The following EEF1D variants were observed in gnomAD, a reference collection of about 807,000 sequenced individuals.
EEF1D encodes the protein eukaryotic translation elongation factor 1 delta, also known as elongation factor 1-delta.
A neutral mutation model predicts 63.9 loss-of-function variants in EEF1D; 47 were observed. The observed-to-expected ratio is 0.74, with a 90% CI of 0.58 to 0.94. The LOEUF is 0.94. EEF1D is among the 40% of genes least tolerant of loss of function. The pLI is 0.00. For synonymous variants in EEF1D, 412 were observed against 386.1 expected, an observed-to-expected ratio of 1.07 and a Z score of -0.79; for missense variants, 907 against 899.0, an observed-to-expected ratio of 1.01 and a Z score of -0.11.
rs1587081359 is a variant in EEF1D at position 143,580,189 on chromosome 8, G to A, written c.1728C>T (p.Asp576=). The A allele has an allele frequency of 2.5e-6, 4 of 1,613,370 alleles. No homozygotes were observed. The highest frequency in any genetic ancestry group is 3.4e-6 in the Non-Finnish European group (4 of 1,179,892). ...GCACACAGGCCTCCAGCTGGGCCAT[G>A]TCCGTCTCATCATCCCACTGTGGGG... ...LDVKPWDDET[D]MAQLEACVRS... Residue 576 remains aspartate, a synonymous_variant, in exon 9 of 10, where the codon GAC becomes GAT. Coordinates refer to ENST00000618139, the MANE Select transcript of EEF1D (RefSeq NM_001130053.5).
At position 143,580,577 on chromosome 8, in the gene EEF1D, G is replaced by A; in HGVS notation, c.1639C>T (p.Gln547Ter). Reference protein sequence around the residue: ...AAQLREERLRQYAEKKAKKPA... With the variant: ...AAQLREERLR The stretch of plus-strand genomic sequence containing the variant: ...TTCTTGGCCTTCTTCTCCGCGTACT[G>A]CCGTAGCCGCTCCTCCCGCAGCTGT... Residue 547 changes from glutamine (Q) to a stop codon, truncating the protein, a stop_gained, in exon 8 of 10, where the codon CAG (glutamine) becomes TAG (stop). Coordinates refer to ENST00000618139, the MANE Select transcript of EEF1D (RefSeq NM_001130053.5). LOFTEE classifies it high-confidence loss of function. 1 of 1,613,440 alleles carries A rather than the reference G, an allele frequency of 6.2e-7. No homozygotes were observed. The highest frequency in any genetic ancestry group is 8.5e-7 in the Non-Finnish European group (1 of 1,179,876).
rs927161839 is a variant in EEF1D at position 143,593,815 on chromosome 8, C to G, written c.-14-1155G>C. The G allele has an allele frequency of 5.8e-5, 57 of 977,880 alleles. No homozygotes were observed. In the East Asian group the frequency reaches 9.1e-4, roughly 16 times the overall value. The allele number at this position is 977,880 out of a possible 1,614,324, so 60.6% of individuals were successfully genotyped here. A position where few individuals can be genotyped will look rare whatever the true frequency, so the allele number is the denominator to read the frequency against. On this transcript the variant is annotated intron_variant, in intron 1 of 9. Coordinates refer to ENST00000618139, the MANE Select transcript of EEF1D (RefSeq NM_001130053.5). ...TCCCAGGACAGCCAGCACAGCCCCC[C>G]ACACGTCCGAGCCCACCTCCTCATT...
At chr8:143,593,745 G>T in intron 1 of EEF1D, 1 of 536,352 alleles carries the variant, frequency 1.9e-6, no homozygotes, top group Non-Finnish European at 2.4e-6. Context: ...CTGGAGGCCA[G>T]GCCCGTCACC....
chr8:143,586,927 G>C lies in EEF1D; in HGVS notation c.1092-75C>G, dbSNP rs749691101. 309 of 1,579,248 alleles carry C rather than the reference G, an allele frequency of 2.0e-4. 3 individuals carry two copies. The Middle Eastern group carries it at 9.1e-3, about 46-fold the overall frequency. On this transcript the variant is annotated intron_variant, in intron 3 of 9. Coordinates refer to ENST00000618139, the MANE Select transcript of EEF1D (RefSeq NM_001130053.5). Reference sequence around the variant, plus strand: ...CATCAGGACAGCCCAGAAGCACCAAGGTGCAGTGGGGCTGACACCCGCTTC... The same window carrying C: ...CATCAGGACAGCCCAGAAGCACCAACGTGCAGTGGGGCTGACACCCGCTTC...
At chr8:143,580,911 CTG>C in intron 7 of EEF1D, 141 bp downstream of exon 7, 1 of 1,163,958 alleles carries the variant, frequency 8.6e-7, no homozygotes, top group South Asian at 1.4e-5. Flanking sequence ...CCAGGGCTAA[CTG>C]TAAACCTTCC....
intron 1 of EEF1D, chr8:143,596,093 C>T (rs1391101940): frequency 6.6e-6 from 1 of 152,404 alleles, no homozygotes; most frequent in Non-Finnish European, 1.5e-5. Context: ...CCCACCTGTG[C>T]TAAACCTTGC....
chr8:143,596,470 G>C (rs556482817), intron 1 of EEF1D: 2 of 152,488 alleles, frequency 1.3e-5, no homozygotes, highest in East Asian at 3.9e-4. Context: ...AACTGCCTGC[G>C]AGCCAGCTGC....
At chr8:143,593,890 C>T (rs2131284291) in intron 1 of EEF1D, 2 of 985,450 alleles carry the variant, frequency 2.0e-6, no homozygotes, top group Admixed American at 6.1e-5. Flanking sequence ...GGACGCAGCG[C>T]ACCATCTCTC....
intron 1 of EEF1D, 118 bp from the exon 2 acceptor site, chr8:143,592,778 G>A (rs1828189561): frequency 3.5e-6 from 3 of 863,554 alleles, no homozygotes; most frequent in Non-Finnish European, 4.2e-6. Flanking sequence ...GCTGCTTGGC[G>A]AGGTGGTGTG....
intron 5 of EEF1D, among the ~76,000 whole-genome samples, chr8:143,584,648 G>A (rs1184029289): frequency 6.6e-6 from 1 of 152,072 alleles, no homozygotes; most frequent in Admixed American, 6.6e-5. Context: ...TAAGGCCCTC[G>A]GTGAGGACTC....
intron 2 of EEF1D, among the ~76,000 whole-genome samples, chr8:143,591,565 A>G (rs1383286883): frequency 6.6e-6 from 1 of 152,168 alleles, no homozygotes; most frequent in African/African-American, 2.4e-5. Context: ...GGCCTAACCA[A>G]CGCCTAGGAG....
Position 143,589,820 on chromosome 8 carries a change from T to C in EEF1D, c.262A>G (p.Arg88Gly). Reference sequence around the variant, plus strand: ...AGCCCGCTCTTGGGGGAGCGCTTCCTCTTTTTCTGCAGGGGCTTCCTGCTG... The same window carrying C: ...AGCCCGCTCTTGGGGGAGCGCTTCCCCTTTTTCTGCAGGGGCTTCCTGCTG... ...QDSRKPLQKK[R>G]KRSPKSGLGP... The change falls in exon 3 of 10, where the codon AGG (arginine) becomes GGG (glycine). Residue 88 changes from arginine to glycine, a missense_variant. By Grantham distance (125) the Arg-to-Gly change is moderately radical. Transcript: ENST00000618139. The C allele has an allele frequency of 6.2e-7, 1 of 1,603,474 alleles. No individual in the cohort carries two copies. The highest frequency in any genetic ancestry group is 8.5e-7 in the Non-Finnish European group (1 of 1,176,108).
intron 2 of EEF1D, among the ~76,000 whole-genome samples, 198 bp downstream of exon 2, chr8:143,592,449 C>T (rs1012704086): frequency 6.6e-5 from 10 of 152,116 alleles, no homozygotes; most frequent in Non-Finnish European, 1.3e-4. Flanking sequence ...GGACCCTGCT[C>T]ACGGCCACAC....
rs376636909 is a variant in EEF1D at position 143,579,747 on chromosome 8, C to G, written c.*45G>C. On this transcript the variant is annotated 3_prime_UTR_variant, in exon 10 of 10. Transcript: ENST00000618139. ...CAGAGGGCCGGTCTCAGTCTTTAAT[C>G]GTGGCAGGGCCTCACGCACGCGCGC... The G allele has an allele frequency of 1.4e-5, 21 of 1,511,858 alleles. No individual in the cohort carries two copies. Among genetic ancestry groups the G allele is most frequent in the Non-Finnish European group, 1.9e-5 (21 of 1,128,996 alleles). 93.7% of individuals were successfully genotyped at this position (1,511,858 alleles called of 1,614,324 possible).
intron 1 of EEF1D, chr8:143,596,842 C>T (rs981034619): frequency 2.2e-4 from 33 of 152,302 alleles, no homozygotes; most frequent in African/African-American, 8.0e-4. Flanking sequence ...AAATTTTGAC[C>T]CAGTCACAGT....
At chr8:143,593,247 G>C (rs1210373359) in intron 1 of EEF1D, among the ~76,000 whole-genome samples, 1 of 147,430 alleles carries the variant, frequency 6.8e-6, no homozygotes, top group African/African-American at 2.6e-5. Flanking sequence ...CCCAGCACAA[G>C]CTACAAAGGC....
rs781314147 is a variant in EEF1D, at chr8:143,580,160, G to C, written c.1757C>G (p.Ser586Cys). 1.9e-6 allele frequency: 3 copies of C among 1,613,798 alleles called. No individual in the cohort carries two copies. The highest frequency in any genetic ancestry group is 3.3e-5 in the Admixed American group (2 of 60,012). The change falls in exon 9 of 10, where the codon TCT (serine) becomes TGT (cysteine). Residue 586 changes from serine to cysteine, a missense_variant. Physicochemically the swap from Ser to Cys is moderately radical, Grantham distance 112 (BLOSUM62 -1). Coordinates refer to ENST00000618139, the MANE Select transcript of EEF1D (RefSeq NM_001130053.5). Reference protein sequence around the residue: ...DMAQLEACVRSIQLDGLVWGA... With the variant: ...DMAQLEACVRCIQLDGLVWGA... ...CCAGACCAGCCCGTCCAGCTGGATA[G>C]AGCGCACACAGGCCTCCAGCTGGGC...
intron 1 of EEF1D, among the ~76,000 whole-genome samples, chr8:143,593,154 G>A (rs1828255476): frequency 6.6e-6 from 1 of 152,108 alleles, no homozygotes; most frequent in African/African-American, 2.4e-5. Flanking sequence ...ACCCTCAAGG[G>A]GGAGGCAGCC....
Position 143,581,219 on chromosome 8 carries a change from G to T in EEF1D, c.1387+10C>A. Reference sequence around the variant, plus strand: ...AGGGACAGCCCCAACCCACTGGCCCGGGGCCTCACCGCCACGCAGACTCTG... The same window carrying T: ...AGGGACAGCCCCAACCCACTGGCCCTGGGCCTCACCGCCACGCAGACTCTG... On this transcript the variant is annotated intron_variant, in intron 6 of 9. Transcript: ENST00000618139. 6.2e-7 allele frequency: 1 copy of T among 1,612,670 alleles called. No homozygotes were observed. Among genetic ancestry groups the T allele is most frequent in the Non-Finnish European group, 8.5e-7 (1 of 1,179,900 alleles).
Sources: gnomAD v4.1 joint callset for allele counts (sites outside exome capture counted in the v4.1 genomes callset) on GRCh38, gnomAD v4.1.1 for gene constraint, MANE v1.5 for transcripts, NCBI Gene and HGNC (gene_info 2026-07-23, HGNC 2026-07-21) for gene names.